ARL1: variants seen among roughly 807,000 people sequenced by gnomAD.
The protein encoded by ARL1 is ADP-ribosylation factor-like protein 1.
Under a neutral mutation model 30.1 loss-of-function variants are expected in ARL1, and 17 were observed. The observed-to-expected ratio is 0.56, with a 90% CI of 0.39 to 0.85. The LOEUF (loss-of-function observed/expected upper bound fraction) is 0.85. Among genes scored for constraint, ARL1 ranks in the 40% least tolerant of loss-of-function variants. ARL1 has a pLI of 0.00. For synonymous variants in ARL1, 58 were observed against 71.7 expected (o/e 0.81, Z 0.97); for missense variants, 102 against 212.6 (o/e 0.48, Z 3.24).
In ARL1 at chr12:101,396,107, GAGTCTTA is replaced by G. The variant is rs542329027; in HGVS notation, c.515+285_515+291del. On this transcript the variant is annotated intron_variant, in intron 5 of 5. Transcript: ENST00000261636. ...ACATTAGGAAAAGCTCTTCAGAAGAGAGTCTTAAGCTAATTCCTGAAGGATAAGGAAT... is the reference window on the plus strand; with the variant it reads ...ACATTAGGAAAAGCTCTTCAGAAGAGAGCTAATTCCTGAAGGATAAGGAAT... 2.2e-3 allele frequency: 1,283 copies of G among 590,568 alleles called. 15 individuals are homozygous for G. The highest frequency in any genetic ancestry group is 0.021 in the African/African-American group (1,126 of 53,822). 36.6% of individuals were successfully genotyped at this position (590,568 alleles called of 1,614,324 possible). A position where few individuals can be genotyped will look rare whatever the true frequency, so the allele number is the denominator to read the frequency against.
At chr12:101,402,800 T>G in intron 3 of ARL1, 65 bp downstream of exon 3, 1 of 1,182,418 alleles carries the variant, frequency 8.5e-7, no homozygotes, top group South Asian at 1.5e-5. Flanking sequence ...GGTTTACTGA[T>G]TTTAACCCTT....
At position 101,395,545 on chromosome 12, in the gene ARL1, T is replaced by A; in HGVS notation, c.*95A>T. 1.0e-6 allele frequency: 1 copy of A among 993,502 alleles called. No homozygotes were observed. The highest frequency in any genetic ancestry group is 1.5e-6 in the Non-Finnish European group (1 of 657,102). 61.5% of individuals were successfully genotyped at this position (993,502 alleles called of 1,614,324 possible). A position where few individuals can be genotyped will look rare whatever the true frequency, so the allele number is the denominator to read the frequency against. On this transcript the variant is annotated 3_prime_UTR_variant, in exon 6 of 6. Transcript: ENST00000261636. ...CAGTCAGTATATGCCAATAATCATATAGTTTTAACATCTAGTAGTGTGAAG... is the reference window on the plus strand; with the variant it reads ...CAGTCAGTATATGCCAATAATCATAAAGTTTTAACATCTAGTAGTGTGAAG...
chr12:101,397,409 A>T (rs1826681829), intron 4 of ARL1, among the ~76,000 whole-genome samples: 1 of 152,194 alleles, frequency 6.6e-6, no homozygotes, highest in African/African-American at 2.4e-5. Flanking sequence ...CAAACAAAAA[A>T]GGAAGCAGAG....
chr12:101,396,614 A>T (rs1382070447), intron 4 of ARL1, 37 bp from the exon 5 acceptor site: 2 of 1,562,424 alleles, frequency 1.3e-6, no homozygotes, highest in Non-Finnish European at 1.8e-6. Context: ...TCTTTTAACT[A>T]ATGTGCTCTC....
chr12:101,396,703 AG>A, intron 4 of ARL1, 126 bp from the exon 5 acceptor site: 1 of 689,962 alleles, frequency 1.4e-6, no homozygotes, highest in Non-Finnish European at 2.2e-6. Context: ...GAAATTATAT[AG>A]AAATTATATA....
At chr12:101,402,805 A>G (rs1405796526) in intron 3 of ARL1, 60 bp downstream of exon 3, 3 of 1,209,524 alleles carry the variant, frequency 2.5e-6, no homozygotes, top group Non-Finnish European at 3.6e-6. Flanking sequence ...ACTGATTTTA[A>G]CCCTTAAAAG....
chr12:101,395,559 A>G lies in ARL1; in HGVS notation c.*81T>C, dbSNP rs1204157037. ...CAATAATCATATAGTTTTAACATCTAGTAGTGTGAAGTACACTTGACTGTT... is the reference window on the plus strand; with the variant it reads ...CAATAATCATATAGTTTTAACATCTGGTAGTGTGAAGTACACTTGACTGTT... On this transcript the variant is annotated 3_prime_UTR_variant, in exon 6 of 6. Coordinates refer to ENST00000261636, the MANE Select transcript of ARL1 (RefSeq NM_001177.6). 9.0e-7 allele frequency: 1 copy of G among 1,105,714 alleles called. No individual in the cohort carries two copies. Among genetic ancestry groups the G allele is most frequent in the African/African-American group, 1.6e-5 (1 of 63,976 alleles). 68.5% of individuals were successfully genotyped at this position (1,105,714 alleles called of 1,614,324 possible).
In ARL1 at chr12:101,403,161, T is replaced by C. The variant is rs188357336; in HGVS notation, c.143-215A>G. The C allele has an allele frequency of 4.0e-4, 189 of 474,910 alleles. 1 individual carries two copies. The East Asian group carries it at 6.5e-3, about 16-fold the overall frequency. 29.4% of individuals were successfully genotyped at this position (474,910 alleles called of 1,614,324 possible). On this transcript the variant is annotated intron_variant, in intron 2 of 5. Coordinates refer to ENST00000261636, the MANE Select transcript of ARL1 (RefSeq NM_001177.6). ...TTATACCATTTAAGACGAAATAGTATGCTCTGCTCCCCCACACATGTGCAG... is the reference window on the plus strand; with the variant it reads ...TTATACCATTTAAGACGAAATAGTACGCTCTGCTCCCCCACACATGTGCAG...
intron 2 of ARL1, 157 bp from the exon 3 acceptor site, chr12:101,403,103 G>A (rs975357210): frequency 3.6e-5 from 17 of 473,804 alleles, no homozygotes; most frequent in African/African-American, 2.8e-4. Context: ...AAAAAGAAAT[G>A]GTAATTGTTG....
chr12:101,405,276 T>G (rs939420644), intron 2 of ARL1, among the ~76,000 whole-genome samples: 1 of 152,224 alleles, frequency 6.6e-6, no homozygotes, highest in Non-Finnish European at 1.5e-5. Flanking sequence ...TAATCTTAAT[T>G]AAAATAGTAA....
At chr12:101,406,815 G>A (rs1177910973) in intron 1 of ARL1, among the ~76,000 whole-genome samples, 2 of 152,204 alleles carry the variant, frequency 1.3e-5, no homozygotes, top group South Asian at 2.1e-4. Flanking sequence ...ACAGGTAGAA[G>A]AGAGGCGGAA....
intron 2 of ARL1, among the ~76,000 whole-genome samples, chr12:101,403,893 C>T (rs1361845750): frequency 6.6e-6 from 1 of 151,946 alleles, no homozygotes; most frequent in East Asian, 1.9e-4. Context: ...CTGGGAGGCA[C>T]AGGTTGCAGT....
In ARL1 at chr12:101,407,450, A is replaced by G. The variant is rs909435853; in HGVS notation, c.4+192T>C. 9 of 680,122 alleles carry G rather than the reference A, an allele frequency of 1.3e-5. No homozygotes were observed. The African/African-American group carries it at 1.5e-4, about 11-fold the overall frequency. 42.1% of individuals were successfully genotyped at this position (680,122 alleles called of 1,614,324 possible). A position where few individuals can be genotyped will look rare whatever the true frequency, so the allele number is the denominator to read the frequency against. On this transcript the variant is annotated intron_variant, in intron 1 of 5. Transcript: ENST00000261636. ...AGGAATCAAGGGGAACCGAGAGAGG[A>G]CGGAGGAGAACGCGAGAGGCCGGAT...
chr12:101,401,755 A>T (rs1565815710), intron 3 of ARL1, among the ~76,000 whole-genome samples: 2 of 152,070 alleles, frequency 1.3e-5, no homozygotes, highest in Admixed American at 6.6e-5. Flanking sequence ...TAATCTATGA[A>T]ATCACTAAAT....
chr12:101,405,733 T>C (rs12230308), intron 2 of ARL1, 111 bp downstream of exon 2: 116,841 of 1,192,024 alleles, frequency 0.098, 12,795 homozygotes, highest in East Asian at 0.46. Flanking sequence ...TTGGACAACA[T>C]AGTGATGATA....
In ARL1 at chr12:101,407,361, G is replaced by C. The variant is rs568719990; in HGVS notation, c.4+281C>G. 311 of 418,474 alleles carry C rather than the reference G, an allele frequency of 7.4e-4. 1 individual carries two copies. Among genetic ancestry groups the C allele is most frequent in the African/African-American group, 5.8e-3 (284 of 48,962 alleles). 25.9% of individuals were successfully genotyped at this position (418,474 alleles called of 1,614,324 possible). The stretch of plus-strand genomic sequence containing the variant: ...GGGATGAGGGAAAACTTCATGATAA[G>C]GGTAAAGAACTCGAACCCAGGCTCT... On this transcript the variant is annotated intron_variant, in intron 1 of 5. Transcript: ENST00000261636.
At chr12:101,397,357 C>G (rs1871177717) in intron 4 of ARL1, among the ~76,000 whole-genome samples, 1 of 152,006 alleles carries the variant, frequency 6.6e-6, no homozygotes, top group Non-Finnish European at 1.5e-5. Context: ...TGGAGACCAG[C>G]CTGAGCAACA....
At chr12:101,406,050 C>T in intron 1 of ARL1, 69 bp from the exon 2 acceptor site, 1 of 1,299,484 alleles carries the variant, frequency 7.7e-7, no homozygotes, top group South Asian at 1.5e-5. Context: ...AACATCTAAC[C>T]TTGTCCTTTG....
chr12:101,405,218 T>C (rs1349268472), intron 2 of ARL1, among the ~76,000 whole-genome samples: 1 of 152,124 alleles, frequency 6.6e-6, no homozygotes, highest in African/African-American at 2.4e-5. Context: ...ACTCAGTCTC[T>C]GCAACTCAGA....
Sources: gnomAD v4.1 joint callset for allele counts (sites outside exome capture counted in the v4.1 genomes callset) on GRCh38, gnomAD v4.1.1 for gene constraint, MANE v1.5 for transcripts, NCBI Gene and HGNC (gene_info 2026-07-23, HGNC 2026-07-21) for gene names.